Variants in TVP23C observed in about 807,000 individuals in gnomAD.
TVP23C encodes trans-golgi network vesicle protein 23 homolog C, also known as Golgi apparatus membrane protein TVP23 homolog C.
Under a neutral mutation model 28.7 loss-of-function variants are expected in TVP23C, and 19 were observed. The ratio of observed to expected loss-of-function variants is 0.66; its 90% confidence interval spans 0.46 to 0.97. The LOEUF is 0.97. TVP23C is among the 50% of genes least tolerant of loss of function. The pLI, the probability that TVP23C is intolerant of heterozygous loss-of-function variation, is 0.00. For synonymous variants in TVP23C, 68 were observed against 81.7 expected, an observed-to-expected ratio of 0.83 and a Z score of 0.90; for missense variants, 186 against 241.3, an observed-to-expected ratio of 0.77 and a Z score of 1.52.
chr17:15,502,812 CT>C lies in TVP23C; in HGVS notation c.*51del, dbSNP rs1567627364. ...CTCTCTCCTCTCTCCTCTCTCTCCTCTCTCTCTCTCTCTCTCTCTCCTGCGA... is the reference window on the plus strand; with the variant it reads ...CTCTCTCCTCTCTCCTCTCTCTCCTCCTCTCTCTCTCTCTCTCTCCTGCGA... On this transcript the variant is annotated 3_prime_UTR_variant, in exon 6 of 6. Transcript: ENST00000225576. The C allele has an allele frequency of 2.7e-3, 843 of 308,640 alleles. 1 individual carries two copies. Among genetic ancestry groups the C allele is most frequent in the Non-Finnish European group, 4.0e-3 (712 of 179,996 alleles). 19.1% of individuals were successfully genotyped at this position (308,640 alleles called of 1,614,324 possible).
intron 5 of TVP23C, among the ~76,000 whole-genome samples, chr17:15,521,804 A>G (rs1180995468): frequency 1.3e-5 from 2 of 152,226 alleles, no homozygotes; most frequent in Non-Finnish European, 2.9e-5. Flanking sequence ...ACAAACATAT[A>G]TTTGTCACAC....
At chr17:15,505,164 A>T (rs1264191327) in intron 5 of TVP23C, among the ~76,000 whole-genome samples, 2 of 152,220 alleles carry the variant, frequency 1.3e-5, no homozygotes, top group African/African-American at 2.4e-5. Context: ...AAACCTATCC[A>T]GCAAAACAAA....
chr17:15,552,398 A>G (rs529021807), intron 3 of TVP23C, among the ~76,000 whole-genome samples: 1 of 152,316 alleles, frequency 6.6e-6, no homozygotes, highest in Non-Finnish European at 1.5e-5. Flanking sequence ...GAATTAAAAG[A>G]TGGCCAGGCG....
In TVP23C at chr17:15,539,750, G is replaced by C. The variant is rs1336901530; in HGVS notation, c.*662C>G. The C allele has an allele frequency of 2.0e-6, 2 of 985,036 alleles. No homozygotes were observed. The highest frequency in any genetic ancestry group is 2.4e-6 in the Non-Finnish European group (2 of 829,806). The allele number at this position is 985,036 out of a possible 1,614,324, so 61.0% of individuals were successfully genotyped here. A position where few individuals can be genotyped will look rare whatever the true frequency, so the allele number is the denominator to read the frequency against. ...ATGTTCTAGGGGGAAAAAAACATCT[G>C]AGTACAAATGTTATGGTCTTCTTGT... On this transcript the variant is annotated 3_prime_UTR_variant, in exon 6 of 6. Transcript: ENST00000518321.
intron 2 of TVP23C, 53 bp from the exon 3 acceptor site, chr17:15,553,882 T>C: frequency 6.2e-7 from 1 of 1,605,682 alleles, no homozygotes; most frequent in East Asian, 2.2e-5. Flanking sequence ...CTACAGGTAC[T>C]AGCAAATGTA....
At chr17:15,555,403 T>G in intron 1 of TVP23C, 39 bp from the exon 2 acceptor site, 1 of 1,613,738 alleles carries the variant, frequency 6.2e-7, no homozygotes, top group Non-Finnish European at 8.5e-7. Flanking sequence ...CAAAACAAAA[T>G]TCAGTGTTTA....
chr17:15,554,176 C>T (rs555735888), intron 2 of TVP23C, among the ~76,000 whole-genome samples: 1 of 152,096 alleles, frequency 6.6e-6, no homozygotes, highest in East Asian at 1.9e-4. Context: ...CAAAAGAATT[C>T]CTTAGCCCTC....
intron 1 of TVP23C, among the ~76,000 whole-genome samples, chr17:15,561,183 A>C (rs1984366699): frequency 6.6e-6 from 1 of 152,184 alleles, no homozygotes; most frequent in Non-Finnish European, 1.5e-5. Flanking sequence ...AAGAGAAGAA[A>C]CGTTGAAGAT....
intron 1 of TVP23C, among the ~76,000 whole-genome samples, chr17:15,559,313 TA>T (rs56346847): frequency 0.15 from 15,723 of 105,150 alleles, 1,364 homozygotes; most frequent in African/African-American, 0.21. Context: ...GGTACAGATT[TA>T]AAAAAAAAAA....
intron 5 of TVP23C, among the ~76,000 whole-genome samples, chr17:15,508,141 G>A (rs1265898585): frequency 1.3e-5 from 2 of 152,130 alleles, no homozygotes; most frequent in East Asian, 1.9e-4. Context: ...CTGCATATGC[G>A]TCCCATGGAC....
chr17:15,512,396 A>G (rs1362343768), intron 5 of TVP23C, among the ~76,000 whole-genome samples: 1 of 152,210 alleles, frequency 6.6e-6, no homozygotes, highest in African/African-American at 2.4e-5. Flanking sequence ...AACTCTCTCC[A>G]TATCACCCTG....
Position 15,540,509 on chromosome 17 carries a change from A to G in TVP23C, c.515T>C (p.Ile172Thr). 1.2e-6 allele frequency: 2 copies of G among 1,612,948 alleles called. No homozygotes were observed. The highest frequency in any genetic ancestry group is 1.7e-6 in the Non-Finnish European group (2 of 1,179,632). The change falls in exon 6 of 6, where the codon ATC becomes ACC. Residue 172 changes from isoleucine to threonine, a missense_variant. Around this residue, in one of 3 missense-constraint regions of TVP23C, gnomAD observed 74 missense variants for 96.0 expected, o/e 0.77. Coordinates refer to ENST00000518321, the MANE Select transcript of TVP23C (RefSeq NM_001135036.2). ...CTTTCTGCTGCGCACCTTACACCTG[A>G]TGTAACCATACAGGTTGGCACCTTG... is the stretch of plus-strand genomic sequence containing the variant. ...VLQGANLYGY[I>T]RCKVRSRKHL...
At chr17:15,519,050 C>A (rs1319351544) in intron 5 of TVP23C, among the ~76,000 whole-genome samples, 2 of 152,178 alleles carry the variant, frequency 1.3e-5, no homozygotes, top group Non-Finnish European at 2.9e-5. Context: ...CTTGCTTTCC[C>A]TTCACCTACC....
rs750200348 is a variant in TVP23C, at chr17:15,540,550, A to G, written c.474T>C (p.Ile158=). The G allele has an allele frequency of 4.0e-4, 640 of 1,613,578 alleles. No homozygotes were observed. The highest frequency in any genetic ancestry group is 5.3e-4 in the Non-Finnish European group (625 of 1,179,768). Residue 158 remains isoleucine, a synonymous_variant, in exon 6 of 6, where the codon ATT becomes ATC. Transcript: ENST00000518321. ...SFTVKWLAVV[I]MGVVLQGANL... is the part of the protein sequence containing the mutation. Reference sequence around the variant, plus strand: ...TGGCACCTTGTAGCACCACACCCATAATAACCACCGCCTGGGACAAGGGAA... The same window carrying G: ...TGGCACCTTGTAGCACCACACCCATGATAACCACCGCCTGGGACAAGGGAA...
intron 5 of TVP23C, among the ~76,000 whole-genome samples, chr17:15,522,158 T>C (rs1367528222): frequency 1.3e-5 from 2 of 152,084 alleles, no homozygotes; most frequent in African/African-American, 4.8e-5. Context: ...CCTCACACCA[T>C]ACCAAAAAAA....
At chr17:15,547,512 T>G (rs1214850825) in intron 3 of TVP23C, among the ~76,000 whole-genome samples, 3 of 152,242 alleles carry the variant, frequency 2.0e-5, no homozygotes, top group South Asian at 2.1e-4. Flanking sequence ...ATTTTACAAC[T>G]ACATATCCCT....
chr17:15,506,443 G>A (rs922488343), intron 5 of TVP23C, among the ~76,000 whole-genome samples: 3 of 152,202 alleles, frequency 2.0e-5, no homozygotes, highest in Non-Finnish European at 2.9e-5. Flanking sequence ...GATTGTAAAC[G>A]CACCAGTCAG....
At chr17:15,527,544 G>A (rs922032952) in intron 5 of TVP23C, among the ~76,000 whole-genome samples, 58 of 152,114 alleles carry the variant, frequency 3.8e-4, no homozygotes, top group African/African-American at 1.4e-3. Flanking sequence ...TACCATTATC[G>A]AGTGCTTACT....
chr17:15,518,393 G>A (rs1038132047), intron 5 of TVP23C, among the ~76,000 whole-genome samples: 18 of 152,182 alleles, frequency 1.2e-4, no homozygotes, highest in African/African-American at 4.3e-4. Flanking sequence ...CATCCAGAAG[G>A]CGTCCCTAGC....
Sources: gnomAD v4.1 joint callset for allele counts (sites outside exome capture counted in the v4.1 genomes callset) on GRCh38, gnomAD v4.1.1 for gene constraint, gnomAD v4.1.1 regional missense constraint, MANE v1.5 for transcripts, NCBI Gene and HGNC (gene_info 2026-07-23, HGNC 2026-07-21) for gene names.